Variants in PDE4B observed in about 807,000 individuals in gnomAD.
PDE4B encodes phosphodiesterase 4B, also known as 3',5'-cyclic-AMP phosphodiesterase 4B.
PDE4B carries 20 observed loss-of-function variants against 82.2 expected under a neutral mutation model. The observed-to-expected ratio is 0.24, with a 90% confidence interval of 0.17 to 0.35. PDE4B has a LOEUF of 0.35. Among genes scored for constraint, PDE4B ranks in the 10% least tolerant of loss-of-function variants. PDE4B has a pLI of 1.00. For synonymous variants in PDE4B, 320 were observed against 318.9 expected (o/e 1.00, Z -0.04); for missense variants, 655 against 907.2 (o/e 0.72, Z 3.57).
At chr1:65,990,919 G>C (rs184381067) in intron 3 of PDE4B, among the ~76,000 whole-genome samples, 1 of 152,192 alleles carries the variant, frequency 6.6e-6, no homozygotes, top group East Asian at 1.9e-4. Flanking sequence ...TTCCAGAGTA[G>C]TACCGTAAAC....
rs147644563 is a variant in PDE4B at position 66,142,932 on chromosome 1, G to A, written c.282-104528G>A. Among the ~76,000 whole-genome samples, 261 of 152,314 alleles carry A rather than the reference G, an allele frequency of 1.7e-3. 1 individual carries two copies. The highest frequency in any genetic ancestry group is 5.9e-3 in the African/African-American group (246 of 41,564). ...TTTCTCTCCCAGCATCAGAGAATGG[G>A]TGGGTAATATAGAGTAAGCTAAGGG... On this transcript the variant is annotated intron_variant, in intron 3 of 16. Coordinates refer to ENST00000341517, the MANE Select transcript of PDE4B (RefSeq NM_002600.4).
At chr1:66,130,634 T>A (rs1645922316) in intron 3 of PDE4B, among the ~76,000 whole-genome samples, 1 of 152,216 alleles carries the variant, frequency 6.6e-6, no homozygotes, top group Non-Finnish European at 1.5e-5. Flanking sequence ...AGAATCATGG[T>A]CCTTCCTGGG....
intron 3 of PDE4B, among the ~76,000 whole-genome samples, chr1:66,104,353 G>C (rs1308614352): frequency 6.7e-6 from 1 of 148,532 alleles, no homozygotes; most frequent in African/African-American, 2.5e-5. Context: ...GGACATTTGG[G>C]TTGGTTCCAA....
chr1:66,285,753 C>T (rs566790867), intron 7 of PDE4B, among the ~76,000 whole-genome samples: 7 of 151,944 alleles, frequency 4.6e-5, no homozygotes, highest in East Asian at 3.9e-4. Flanking sequence ...GTTGCCCAGA[C>T]GGATTAGAGG....
intron 1 of PDE4B, among the ~76,000 whole-genome samples, chr1:65,891,426 A>G (rs1646851814): frequency 6.6e-6 from 1 of 152,068 alleles, no homozygotes; most frequent in African/African-American, 2.4e-5. Context: ...AGTACTTTTT[A>G]TAGCCCTTAT....
chr1:66,347,877 A>C (rs542690477), intron 8 of PDE4B, among the ~76,000 whole-genome samples: 13 of 152,226 alleles, frequency 8.5e-5, no homozygotes, highest in Non-Finnish European at 1.9e-4. Context: ...ATAGACTGAA[A>C]ATGGAATTAA....
At chr1:66,106,376 C>G (rs1319334812) in intron 3 of PDE4B, among the ~76,000 whole-genome samples, 1 of 152,112 alleles carries the variant, frequency 6.6e-6, no homozygotes, top group Non-Finnish European at 1.5e-5. Context: ...CAATGTTCAT[C>G]AAGGATATTG....
chr1:65,919,183 A>G (rs2100478858), intron 3 of PDE4B, among the ~76,000 whole-genome samples: 1 of 152,296 alleles, frequency 6.6e-6, no homozygotes, highest in South Asian at 2.1e-4. Flanking sequence ...AACAAATTAC[A>G]TGTTACTATA....
intron 1 of PDE4B, among the ~76,000 whole-genome samples, chr1:65,894,896 C>A (rs537795885): frequency 6.6e-6 from 1 of 152,114 alleles, no homozygotes; most frequent in Non-Finnish European, 1.5e-5. Flanking sequence ...TTTTGGCAAA[C>A]GTGCAAAGTG....
At chr1:66,157,576 G>A (rs532626911) in intron 3 of PDE4B, among the ~76,000 whole-genome samples, 4 of 152,112 alleles carry the variant, frequency 2.6e-5, no homozygotes, top group African/African-American at 9.6e-5. Flanking sequence ...AACTCCTTCT[G>A]ATTCTACTCA....
intron 7 of PDE4B, among the ~76,000 whole-genome samples, chr1:66,312,250 A>C (rs555544582): frequency 6.6e-6 from 1 of 152,332 alleles, no homozygotes; most frequent in South Asian, 2.1e-4. Flanking sequence ...TTTGGCTCAC[A>C]TGGGTGTTGG....
intron 1 of PDE4B, among the ~76,000 whole-genome samples, chr1:65,817,176 C>A (rs1421097071): frequency 1.3e-5 from 2 of 152,156 alleles, no homozygotes; most frequent in Admixed American, 6.5e-5. Flanking sequence ...GGGTGACAAT[C>A]TCTCCCAGTT....
chr1:66,348,846 T>C (rs2101981719), intron 8 of PDE4B, among the ~76,000 whole-genome samples: 1 of 152,010 alleles, frequency 6.6e-6, no homozygotes, highest in East Asian at 1.9e-4. Context: ...TAGGTATAAA[T>C]AGTTACAGTA....
intron 3 of PDE4B, among the ~76,000 whole-genome samples, chr1:66,004,357 C>A (rs1404577193): frequency 1.3e-5 from 2 of 152,054 alleles, no homozygotes; most frequent in Non-Finnish European, 2.9e-5. Flanking sequence ...TAAATCCATT[C>A]TTTTAGACCA....
intron 1 of PDE4B, among the ~76,000 whole-genome samples, chr1:65,905,479 A>G (rs1270444077): frequency 5.3e-5 from 8 of 152,152 alleles, no homozygotes; most frequent in African/African-American, 1.9e-4. Flanking sequence ...GTTGAGGTTT[A>G]AAAGTCAAGC....
intron 3 of PDE4B, among the ~76,000 whole-genome samples, chr1:66,117,708 A>C (rs941878532): frequency 3.7e-4 from 57 of 152,196 alleles, no homozygotes; most frequent in African/African-American, 1.4e-3. Context: ...ACGGACTTAT[A>C]AAATATTAGA....
intron 3 of PDE4B, among the ~76,000 whole-genome samples, chr1:66,200,035 A>G (rs1648740437): frequency 6.6e-6 from 1 of 152,146 alleles, no homozygotes; most frequent in African/African-American, 2.4e-5. Context: ...AGGTGTAAGG[A>G]AAGGATCCAG....
At chr1:66,166,472 A>C (rs1646734178) in intron 3 of PDE4B, among the ~76,000 whole-genome samples, 1 of 152,208 alleles carries the variant, frequency 6.6e-6, no homozygotes, top group Admixed American at 6.5e-5. Flanking sequence ...GGGTTGGCTC[A>C]CACCTGCAAT....
At chr1:66,155,014 C>CA (rs899394146) in intron 3 of PDE4B, among the ~76,000 whole-genome samples, 2 of 152,002 alleles carry the variant, frequency 1.3e-5, no homozygotes, top group African/African-American at 2.4e-5. Context: ...CTCATCTCTA[C>CA]AAAAAATAAG....
Sources: gnomAD v4.1 joint callset for allele counts (sites outside exome capture counted in the v4.1 genomes callset) on GRCh38, gnomAD v4.1.1 for gene constraint, MANE v1.5 for transcripts, NCBI Gene and HGNC (gene_info 2026-07-23, HGNC 2026-07-21) for gene names.